The following CT47C1 variants were observed in gnomAD, a reference collection of about 807,000 sequenced individuals.
CT47C1 encodes the protein cancer/testis antigen family 47 member A11 pseudogene.
the CT47C1 span, among the ~76,000 whole-genome samples, chrX:119,075,724 CT>C: frequency 1.0e-5 from 1 of 95,536 alleles, no homozygotes; most frequent in Non-Finnish European, 2.1e-5. Flanking sequence ...AACATTTTTT[CT>C]TTTTTCTTTT....
chrX:119,073,796 G>A, the CT47C1 span: 1 of 862,686 alleles, frequency 1.2e-6, no homozygotes, highest in South Asian at 2.0e-5. Context: ...CGAGGGCCTG[G>A]GCCTGCTCCA....
chrX:119,075,352 C>T, the CT47C1 span, among the ~76,000 whole-genome samples: 1 of 112,341 alleles, frequency 8.9e-6, no homozygotes, highest in African/African-American at 3.2e-5. Context: ...CTTTTGTCCT[C>T]TAGCTGCAGG....
chrX:119,073,883 GCAGAGGAGGCCTCAGAGAAGCCCA>G, the CT47C1 span: 2 of 850,458 alleles, frequency 2.4e-6, no homozygotes, highest in Non-Finnish European at 3.4e-6. Context: ...AGAAGAGCCC[GCAGAGGAGGCCTCAGAGAAGCCCA>G]CAGAGGAGGC....
the CT47C1 span, chrX:119,073,522 G>A: frequency 3.5e-5 from 18 of 515,751 alleles, no homozygotes; most frequent in Middle Eastern, 3.1e-4. Context: ...AAGAGGAGGA[G>A]GAGGAGGAAG....
the CT47C1 span, chrX:119,073,385 C>T: frequency 2.6e-5 from 14 of 533,076 alleles, no homozygotes; most frequent in Non-Finnish European, 4.4e-5. Flanking sequence ...CATGAGAGGC[C>T]TCGGGGAGGA....
At chrX:119,073,570 C>T in the CT47C1 span, 14 of 524,765 alleles carry the variant, frequency 2.7e-5, no homozygotes, top group East Asian at 3.5e-5. Context: ...TGGTCGCGGC[C>T]GCCCGTCGCT....
At chrX:119,074,662 G>C in the CT47C1 span, among the ~76,000 whole-genome samples, 2 of 111,226 alleles carry the variant, frequency 1.8e-5, no homozygotes, top group African/African-American at 6.6e-5. Flanking sequence ...AATGAGATCA[G>C]ACACCATGAT....
At chrX:119,076,454 A>T in the CT47C1 span, 1 of 112,614 alleles carries the variant, frequency 8.9e-6, no homozygotes, top group Admixed American at 9.4e-5. Context: ...GGCCCACCAT[A>T]CCTTCATTGA....
At chrX:119,073,483 G>A in the CT47C1 span, 4 of 510,409 alleles carry the variant, frequency 7.8e-6, no homozygotes, top group Admixed American at 8.0e-5. Context: ...TAGTGGAGAT[G>A]GTGGAGGAGG....
At chrX:119,074,083 G>A in the CT47C1 span, 30 of 503,545 alleles carry the variant, frequency 6.0e-5, no homozygotes, top group Admixed American at 8.6e-4. Context: ...CTGAGGGTGA[G>A]GAACAGGCTA....
chrX:119,076,241 G>A, the CT47C1 span: 2 of 112,623 alleles, frequency 1.8e-5, no homozygotes, highest in East Asian at 2.8e-4. Context: ...AGATGCCTGT[G>A]AGAATTTTAA....
At chrX:119,073,501 T>TGAGGAGGAGGAA in the CT47C1 span, 1 of 509,693 alleles carries the variant, frequency 2.0e-6, no homozygotes, top group African/African-American at 2.3e-5. Context: ...AGGAGGAGGA[T>TGAGGAGGAGGAA]GAGGAGGAGG....
chrX:119,073,711 G>A, the CT47C1 span: 5,565 of 710,708 alleles, frequency 7.8e-3, 188 homozygotes, highest in African/African-American at 0.1. Flanking sequence ...GCACTGCGGC[G>A]CCCAGTGGCT....
chrX:119,074,379 G>A, the CT47C1 span, among the ~76,000 whole-genome samples: 1 of 111,858 alleles, frequency 8.9e-6, no homozygotes, highest in Non-Finnish European at 1.9e-5. Flanking sequence ...ACAGATGAAT[G>A]GCCAGGTAGA....
chrX:119,073,225 C>T, the CT47C1 span: 2 of 478,524 alleles, frequency 4.2e-6, no homozygotes, highest in African/African-American at 4.8e-5. Flanking sequence ...TGACTGGCGT[C>T]ATGTCTGCCA....
the CT47C1 span, chrX:119,075,085 C>A: frequency 9.2e-7 from 1 of 1,086,068 alleles, no homozygotes; most frequent in Non-Finnish European, 1.3e-6. Context: ...GACCTAGACG[C>A]AGCAGAGGGG....
At chrX:119,076,118 T>C in the CT47C1 span, 2 of 113,018 alleles carry the variant, frequency 1.8e-5, no homozygotes, top group Non-Finnish European at 3.7e-5. Flanking sequence ...TCACTGGTGC[T>C]GGCTAACGTA....
At chrX:119,074,536 G>A in the CT47C1 span, among the ~76,000 whole-genome samples, 10 of 111,076 alleles carry the variant, frequency 9.0e-5, no homozygotes, top group African/African-American at 2.9e-4. Flanking sequence ...GTGATACAGG[G>A]GCCCTTGGTA....
chrX:119,073,485 T>TGGAGGAGGAGGAGGATGAGGA, the CT47C1 span: 1 of 509,370 alleles, frequency 2.0e-6, no homozygotes, highest in Non-Finnish European at 3.5e-6. Flanking sequence ...GTGGAGATGG[T>TGGAGGAGGAGGAGGATGAGGA]GGAGGAGGAG....
Sources: gnomAD v4.1 joint callset for allele counts (sites outside exome capture counted in the v4.1 genomes callset) on GRCh38, gnomAD v4.1.1 for gene constraint, MANE v1.5 for transcripts, NCBI Gene and HGNC (gene_info 2026-07-23, HGNC 2026-07-21) for gene names.